TRA2B: variants seen among roughly 807,000 people sequenced by gnomAD.
The protein encoded by TRA2B is transformer 2 beta homolog.
TRA2B carries 14 observed loss-of-function variants against 41.7 expected under a neutral mutation model. The ratio of observed to expected loss-of-function variants is 0.34; its 90% CI spans 0.22 to 0.53. The LOEUF (loss-of-function observed/expected upper bound fraction) is 0.53, where lower values mean the gene tolerates loss of function less well. Ranked by LOEUF, TRA2B falls within the 20% of genes least tolerant of loss-of-function variation. The probability of loss-of-function intolerance (pLI) is 0.95; values close to 1 mark genes in which losing one functional copy is unlikely to be tolerated. For missense variants in TRA2B, 167 were observed against 396.8 expected (o/e 0.42, Z 4.92); for synonymous variants, 130 against 128.8 (o/e 1.01, Z -0.06).
At chr3:185,923,679 G>A in intron 4 of TRA2B, 117 bp downstream of exon 4, 1 of 958,400 alleles carries the variant, frequency 1.0e-6, no homozygotes, top group Non-Finnish European at 1.5e-6. Context: ...CAAGAGGTTG[G>A]AGAAAAAGTT....
intron 1 of TRA2B, chr3:185,934,451 C>CA: frequency 2.0e-6 from 2 of 985,382 alleles, no homozygotes; most frequent in Non-Finnish European, 1.2e-6. Context: ...CCTGTAATGT[C>CA]AGCTTGAAAA....
At chr3:185,935,198 C>A in intron 1 of TRA2B, 2 of 985,426 alleles carry the variant, frequency 2.0e-6, no homozygotes, top group Non-Finnish European at 2.4e-6. Context: ...AACCCCTTTA[C>A]AAAATGCAAG....
At chr3:185,937,007 G>A in intron 1 of TRA2B, 1 of 985,386 alleles carries the variant, frequency 1.0e-6, no homozygotes, top group Non-Finnish European at 1.2e-6. Flanking sequence ...TAACGGCGCC[G>A]TAAATGGTTG....
Position 185,937,908 on chromosome 3 carries a change from A to T in TRA2B, c.-48T>A. ...TCGATGTGCTTCAATCGAAGCTGCCAACCTCTTGCACCTTCCTTAAGGAGG... is the reference window on the plus strand; with the variant it reads ...TCGATGTGCTTCAATCGAAGCTGCCTACCTCTTGCACCTTCCTTAAGGAGG... On this transcript the variant is annotated 5_prime_UTR_variant, in exon 1 of 9. Coordinates refer to ENST00000453386, the MANE Select transcript of TRA2B (RefSeq NM_004593.3). 1.2e-6 allele frequency: 2 copies of T among 1,611,344 alleles called. No homozygotes were observed. The highest frequency in any genetic ancestry group is 1.7e-6 in the Non-Finnish European group (2 of 1,178,990).
chr3:185,925,645 C>G lies in TRA2B; in HGVS notation c.171-19G>C, dbSNP rs761858593. On this transcript the variant is annotated intron_variant, in intron 2 of 8. Coordinates refer to ENST00000453386, the MANE Select transcript of TRA2B (RefSeq NM_004593.3). ...TCTAGACCTGCAAGACAAAGACCTC[C>G]TAAGGTTATGACTGAAAACAAATAT... is the stretch of plus-strand genomic sequence containing the variant. 6.2e-7 allele frequency: 1 copy of G among 1,603,942 alleles called. No individual in the cohort carries two copies. Among genetic ancestry groups the G allele is most frequent in the South Asian group, 1.1e-5 (1 of 89,492 alleles).
intron 1 of TRA2B, among the ~76,000 whole-genome samples, chr3:185,930,350 T>C (rs778604433): frequency 6.6e-6 from 1 of 152,140 alleles, no homozygotes; most frequent in Non-Finnish European, 1.5e-5. Context: ...CATTAGTTTA[T>C]CTATGGCAAG....
rs759772070 is a variant in TRA2B, at chr3:185,918,432, C to G, written c.789G>C (p.Arg263=). Residue 263 remains arginine (R), a synonymous_variant, in exon 8 of 9, where the codon CGG becomes CGC. Coordinates refer to ENST00000453386, the MANE Select transcript of TRA2B (RefSeq NM_004593.3). ...AQDRDQIYRR[R]SPSPYYSRGG... ...CACGACTATAGTAAGGAGAAGGTGA[C>G]CGCCTTCTATAAACAAATGTCAAGA... 1.2e-5 allele frequency: 19 copies of G among 1,611,166 alleles called. No individual in the cohort carries two copies. The highest frequency in any genetic ancestry group is 3.3e-5 in the Admixed American group (2 of 59,938).
At chr3:185,932,430 C>G (rs953847984) in intron 1 of TRA2B, among the ~76,000 whole-genome samples, 1 of 152,062 alleles carries the variant, frequency 6.6e-6, no homozygotes, top group Non-Finnish European at 1.5e-5. Context: ...TGTAACCCAC[C>G]CCCTGGAAAA....
At chr3:185,929,641 C>G (rs80039070) in intron 1 of TRA2B, among the ~76,000 whole-genome samples, 5,258 of 152,204 alleles carry the variant, frequency 0.035, 279 homozygotes, top group African/African-American at 0.12. Flanking sequence ...ACAAAATAAT[C>G]CACATCTCCC....
intron 1 of TRA2B, chr3:185,937,038 A>G (rs1744389511): frequency 2.0e-5 from 20 of 985,396 alleles, no homozygotes; most frequent in Non-Finnish European, 2.3e-5. Context: ...TCTCCTTCAC[A>G]ATCCCGTGGA....
At chr3:185,934,501 GCAT>G in intron 1 of TRA2B, 1 of 985,316 alleles carries the variant, frequency 1.0e-6, no homozygotes, top group Non-Finnish European at 1.2e-6. Flanking sequence ...CAATATTAAA[GCAT>G]TCTTGTTTAA....
intron 1 of TRA2B, among the ~76,000 whole-genome samples, chr3:185,934,087 G>C (rs1445474528): frequency 6.6e-6 from 1 of 152,064 alleles, no homozygotes; most frequent in Non-Finnish European, 1.5e-5. Flanking sequence ...ACAAGACTAA[G>C]TGATTTCAAT....
intron 1 of TRA2B, chr3:185,936,961 G>T: frequency 3.0e-6 from 3 of 985,310 alleles, no homozygotes; most frequent in Non-Finnish European, 3.6e-6. Flanking sequence ...CACACGCTGT[G>T]GTTCTAAGTA....
chr3:185,934,323 A>G lies in TRA2B; in HGVS notation c.36+3502T>C, dbSNP rs949881350. The G allele has an allele frequency of 8.1e-6, 8 of 985,188 alleles. No homozygotes were observed. The African/African-American group carries it at 1.4e-4, about 17-fold the overall frequency. The allele number at this position is 985,188 out of a possible 1,614,324, so 61.0% of individuals were successfully genotyped here. A position where few individuals can be genotyped will look rare whatever the true frequency, so the allele number is the denominator to read the frequency against. On this transcript the variant is annotated intron_variant, in intron 1 of 8. Coordinates refer to ENST00000453386, the MANE Select transcript of TRA2B (RefSeq NM_004593.3). ...TATTTACCACCTACGTTCGGATTTT[A>G]TTGTAGAGAAAGGAGGAAAAAACGC...
intron 8 of TRA2B, 125 bp downstream of exon 8, chr3:185,918,240 G>C (rs1743577795): frequency 3.1e-6 from 2 of 651,104 alleles, no homozygotes; most frequent in African/African-American, 1.9e-5. Flanking sequence ...AAATGTTCAG[G>C]ATGTGTGGAG....
At chr3:185,933,942 G>C (rs1184529932) in intron 1 of TRA2B, among the ~76,000 whole-genome samples, 1 of 152,012 alleles carries the variant, frequency 6.6e-6, no homozygotes, top group African/African-American at 2.4e-5. Context: ...TATCCAAACT[G>C]TCAGGTAACA....
At position 185,917,380 on chromosome 3, in the gene TRA2B, A is replaced by G. The variant is rs775949077; in HGVS notation, c.*335T>C. ...TTTGCCATTTGGTAGCATTTTACAC[A>G]GGCTTCGATCTTCAGAATACCCTGG... On this transcript the variant is annotated 3_prime_UTR_variant, in exon 9 of 9. Coordinates refer to ENST00000453386, the MANE Select transcript of TRA2B (RefSeq NM_004593.3). 12 of 288,100 alleles carry G rather than the reference A, an allele frequency of 4.2e-5. No individual in the cohort carries two copies. The highest frequency in any genetic ancestry group is 6.4e-5 in the Non-Finnish European group (10 of 156,062). The allele number at this position is 288,100 out of a possible 1,614,324, so 17.8% of individuals were successfully genotyped here. A position where few individuals can be genotyped will look rare whatever the true frequency, so the allele number is the denominator to read the frequency against.
At chr3:185,925,859 TATTA>T (rs1743929241) in intron 2 of TRA2B, among the ~76,000 whole-genome samples, 1 of 152,228 alleles carries the variant, frequency 6.6e-6, no homozygotes, top group African/African-American at 2.4e-5. Context: ...ATTAAAGACA[TATTA>T]CTTATCTTTT....
chr3:185,917,842 C>A (rs191276235), intron 8 of TRA2B, 117 bp from the exon 9 acceptor site: 1 of 964,126 alleles, frequency 1.0e-6, no homozygotes, highest in East Asian at 2.5e-5. Flanking sequence ...GCCAGAACCC[C>A]ACCACCCCCA....
Sources: allele counts gnomAD v4.1 joint callset (sites outside exome capture counted in the v4.1 genomes callset), GRCh38; gene constraint gnomAD v4.1.1; transcripts MANE v1.5; gene names NCBI Gene and HGNC (gene_info 2026-07-23, HGNC 2026-07-21).